The following ERBB4 variants were observed in gnomAD, a reference collection of about 807,000 sequenced individuals.
The protein encoded by ERBB4 is receptor tyrosine-protein kinase erbB-4.
In ERBB4, 42 loss-of-function variants were observed where a neutral mutation model predicts 158.0. The ratio of observed to expected loss-of-function variants is 0.27; its 90% CI spans 0.21 to 0.34. The LOEUF (loss-of-function observed/expected upper bound fraction) is 0.34, where lower values mean the gene tolerates loss of function less well. Among genes scored for constraint, ERBB4 ranks in the 10% least tolerant of loss-of-function variants. The pLI is 1.00. For synonymous variants in ERBB4, 583 were observed against 558.7 expected (o/e 1.04, Z -0.61); for missense variants, 1,333 against 1,624.1 (o/e 0.82, Z 3.08).
intron 5 of ERBB4, among the ~76,000 whole-genome samples, chr2:211,733,294 A>C (rs764809588): frequency 2.0e-5 from 3 of 152,160 alleles, no homozygotes; most frequent in Non-Finnish European, 4.4e-5. Flanking sequence ...GCATCTCCAC[A>C]GTTTGTGAGT....
chr2:211,394,297 G>T lies in ERBB4; in HGVS notation c.3136-6305C>A, dbSNP rs75968152. On this transcript the variant is annotated intron_variant, in intron 25 of 27. Transcript: ENST00000342788. ...TCATTCAAGATAAGCAACAAGAATT[G>T]TGTCACCCTTCTTGAGATGAGTGAT... Among the ~76,000 whole-genome samples the T allele has an allele frequency of 2.7e-3, 410 of 152,238 alleles. 3 individuals are homozygous for T. Among genetic ancestry groups the T allele is most frequent in the Non-Finnish European group, 3.8e-3 (255 of 67,980 alleles).
intron 3 of ERBB4, among the ~76,000 whole-genome samples, chr2:211,875,610 AATT>A (rs1446271677): frequency 1.3e-5 from 2 of 152,168 alleles, no homozygotes; most frequent in African/African-American, 2.4e-5. Flanking sequence ...GTTGCAGCAC[AATT>A]ATTATATTTT....
intron 19 of ERBB4, among the ~76,000 whole-genome samples, chr2:211,581,124 T>C (rs1464524050): frequency 1.3e-5 from 2 of 149,318 alleles, no homozygotes; most frequent in East Asian, 4.0e-4. Flanking sequence ...GGGGAAAGGG[T>C]GGGGAGGGGG....
intron 25 of ERBB4, among the ~76,000 whole-genome samples, chr2:211,419,747 T>C (rs1377226026): frequency 6.6e-6 from 1 of 152,084 alleles, no homozygotes; most frequent in African/African-American, 2.4e-5. Context: ...ACAGTGGTAC[T>C]CAATATATGT....
chr2:212,295,352 C>T (rs144664031), intron 1 of ERBB4, among the ~76,000 whole-genome samples: 2 of 152,178 alleles, frequency 1.3e-5, no homozygotes, highest in East Asian at 3.9e-4. Flanking sequence ...ATATGTTGAT[C>T]ACACAGCTAT....
At chr2:212,536,313 G>A (rs900087387) in intron 1 of ERBB4, among the ~76,000 whole-genome samples, 2 of 152,104 alleles carry the variant, frequency 1.3e-5, no homozygotes, top group Non-Finnish European at 2.9e-5. Context: ...GCAGGGTGGG[G>A]GTGGGGGAGG....
intron 4 of ERBB4, among the ~76,000 whole-genome samples, chr2:211,764,984 T>G (rs151307345): frequency 2.0e-5 from 3 of 152,296 alleles, no homozygotes; most frequent in Admixed American, 6.5e-5. Context: ...TTTACCAAAA[T>G]CTTTGATGTG....
At chr2:211,603,611 G>T (rs1164513344) in intron 19 of ERBB4, among the ~76,000 whole-genome samples, 1 of 152,180 alleles carries the variant, frequency 6.6e-6, no homozygotes, top group South Asian at 2.1e-4. Context: ...TGCCTCTCAA[G>T]TTCCTCCCTC....
intron 1 of ERBB4, among the ~76,000 whole-genome samples, chr2:212,128,176 G>A (rs1209996179): frequency 1.3e-5 from 2 of 152,184 alleles, no homozygotes; most frequent in South Asian, 2.1e-4. Flanking sequence ...AGAGTGATAC[G>A]GATGGATGCT....
At chr2:212,192,364 A>G (rs963760405) in intron 1 of ERBB4, among the ~76,000 whole-genome samples, 2 of 151,682 alleles carry the variant, frequency 1.3e-5, no homozygotes, top group African/African-American at 2.4e-5. Context: ...GGAAACAGCA[A>G]TTCCTCAGTT....
chr2:212,155,567 A>G (rs1256827794), intron 1 of ERBB4, among the ~76,000 whole-genome samples: 1 of 152,100 alleles, frequency 6.6e-6, no homozygotes, highest in Non-Finnish European at 1.5e-5. Context: ...CAAGTTCTCC[A>G]AATAATTATC....
intron 9 of ERBB4, among the ~76,000 whole-genome samples, chr2:211,709,129 G>T (rs2073568897): frequency 6.6e-6 from 1 of 151,530 alleles, no homozygotes; most frequent in Non-Finnish European, 1.5e-5. Flanking sequence ...CTTACTGCCT[G>T]ATGCATTTTT....
intron 2 of ERBB4, among the ~76,000 whole-genome samples, chr2:212,116,286 T>G (rs2079569616): frequency 6.6e-6 from 1 of 151,916 alleles, no homozygotes; most frequent in Admixed American, 6.6e-5. Context: ...ATTAGATTGA[T>G]AAATACTAGT....
intron 2 of ERBB4, among the ~76,000 whole-genome samples, chr2:212,104,473 C>A (rs2079169021): frequency 6.6e-6 from 1 of 152,036 alleles, no homozygotes; most frequent in South Asian, 2.1e-4. Flanking sequence ...CTCTTCATAA[C>A]AAAAATATAA....
Position 211,673,095 on chromosome 2 carries a change from T to TAA in ERBB4, c.1716+67_1716+68dup, listed in dbSNP as rs2071905786. On this transcript the variant is annotated intron_variant, in intron 14 of 27. Transcript: ENST00000342788. ...AGCTATTGAATGGATGAATAAATGA[T>TAA]AAAATAATAACAAACATTCATACAT... is the stretch of plus-strand genomic sequence containing the variant. The TAA allele has an allele frequency of 5.9e-6, 7 of 1,190,976 alleles. No homozygotes were observed. In the Admixed American group the frequency reaches 1.2e-4, roughly 20 times the overall value. 73.8% of individuals were successfully genotyped at this position (1,190,976 alleles called of 1,614,324 possible). A position where few individuals can be genotyped will look rare whatever the true frequency, so the allele number is the denominator to read the frequency against.
chr2:211,503,334 T>C (rs1237247947), intron 20 of ERBB4, among the ~76,000 whole-genome samples: 18 of 152,108 alleles, frequency 1.2e-4, no homozygotes, highest in Non-Finnish European at 1.5e-5. Flanking sequence ...AGAACTGAGC[T>C]GGCCACATTC....
intron 2 of ERBB4, among the ~76,000 whole-genome samples, chr2:212,044,830 GA>G (rs1412324770): frequency 6.6e-6 from 1 of 151,972 alleles, no homozygotes. Context: ...GATTGAAGCT[GA>G]AAAAATATTT....
Position 212,461,897 on chromosome 2 carries a change from C to T in ERBB4, c.82+76552G>A, listed in dbSNP as rs903753467. On this transcript the variant is annotated intron_variant, in intron 1 of 27. Coordinates refer to ENST00000342788, the MANE Select transcript of ERBB4 (RefSeq NM_005235.3). The stretch of plus-strand genomic sequence containing the variant: ...AAAAAGAGTAGTTCCTGTGCACAAG[C>T]TCTCTCTCTTTGCCTGCTGCCATCC... Among the ~76,000 whole-genome samples, 8 of 152,156 alleles carry T rather than the reference C, an allele frequency of 5.3e-5. No individual in the cohort carries two copies. The East Asian group carries it at 7.7e-4, about 15-fold the overall frequency.
chr2:211,535,933 T>C (rs984874035), intron 20 of ERBB4, among the ~76,000 whole-genome samples: 3 of 151,872 alleles, frequency 2.0e-5, no homozygotes, highest in African/African-American at 7.3e-5. Flanking sequence ...TTTATGGATA[T>C]TAACAGGCCT....
Sources: allele counts gnomAD v4.1 joint callset (sites outside exome capture counted in the v4.1 genomes callset), GRCh38; gene constraint gnomAD v4.1.1; transcripts MANE v1.5; gene names NCBI Gene and HGNC (gene_info 2026-07-23, HGNC 2026-07-21).